The following NOMO3 variants were observed in gnomAD, a reference collection of about 807,000 sequenced individuals.
The protein encoded by NOMO3 is NODAL modulator 3.
A neutral mutation model predicts 69.9 loss-of-function variants in NOMO3; 15 were observed. That is an observed-to-expected ratio of 0.21 (90% CI 0.14 to 0.33). The LOEUF (loss-of-function observed/expected upper bound fraction) is 0.33, where lower values mean the gene tolerates loss of function less well. Among genes scored for constraint, NOMO3 ranks in the 10% least tolerant of loss-of-function variants. NOMO3 has a pLI of 1.00. For synonymous variants in NOMO3, 89 were observed against 301.9 expected (o/e 0.29, Z 7.31); for missense variants, 218 against 761.0 (o/e 0.29, Z 8.39).
At chr16:16,255,952 T>A in intron 10 of NOMO3, 56 bp from the exon 11 acceptor site, 1 of 1,567,770 alleles carries the variant, frequency 6.4e-7, no homozygotes, top group Non-Finnish European at 8.6e-7. Context: ...GGTGTACATG[T>A]AAGGATACAC....
At chr16:16,243,334 C>G (rs1406706880) in intron 4 of NOMO3, 73 bp downstream of exon 4, 3 of 573,134 alleles carry the variant, frequency 5.2e-6, no homozygotes, top group Non-Finnish European at 9.2e-6. Context: ...TAAAAAAATG[C>G]AGGATATTTT....
chr16:16,246,579 C>T (rs2049418183), intron 5 of NOMO3, among the ~76,000 whole-genome samples: 1 of 136,528 alleles, frequency 7.3e-6, no homozygotes, highest in Non-Finnish European at 1.5e-5. Context: ...ATGTGATTTC[C>T]AAGACCTATC....
intron 12 of NOMO3, among the ~76,000 whole-genome samples, chr16:16,262,832 C>T (rs2049575745): frequency 7.1e-6 from 1 of 141,182 alleles, no homozygotes; most frequent in Admixed American, 6.9e-5. Context: ...GGAATTAGGC[C>T]AGATAGACTT....
chr16:16,242,645 C>G (rs1170495033), intron 3 of NOMO3, among the ~76,000 whole-genome samples: 1 of 142,276 alleles, frequency 7.0e-6, no homozygotes, highest in Non-Finnish European at 1.5e-5. Flanking sequence ...AGATCCAGAG[C>G]CAGACTTTTA....
At chr16:16,265,666 A>ATT (rs1949437355) in intron 15 of NOMO3, among the ~76,000 whole-genome samples, 12 of 32,608 alleles carry the variant, frequency 3.7e-4, no homozygotes, top group Non-Finnish European at 4.5e-4. Context: ...ATATATATAT[A>ATT]TATATTTTTT....
intron 15 of NOMO3, 43 bp downstream of exon 15, chr16:16,265,222 C>T (rs764653569): frequency 1.3e-6 from 2 of 1,588,828 alleles, no homozygotes; most frequent in Non-Finnish European, 1.7e-6. Context: ...AAAGCGCTTG[C>T]CTTGTGGATG....
chr16:16,237,266 G>T (rs2049334163), intron 2 of NOMO3, among the ~76,000 whole-genome samples: 1 of 144,250 alleles, frequency 6.9e-6, no homozygotes, highest in South Asian at 2.2e-4. Flanking sequence ...AGTGAGTAGT[G>T]GCCAGGCGTG....
chr16:16,236,123 A>G, intron 1 of NOMO3: 1 of 165,264 alleles, frequency 6.1e-6, no homozygotes, highest in East Asian at 1.9e-4. Context: ...AAGTTTCTAG[A>G]TGAATGTTGC....
At chr16:16,265,953 G>A (rs978925907) in intron 15 of NOMO3, among the ~76,000 whole-genome samples, 4 of 145,098 alleles carry the variant, frequency 2.8e-5, no homozygotes, top group Admixed American at 2.7e-4. Flanking sequence ...CGTTGGCCTC[G>A]CAGAGTGCTA....
chr16:16,262,954 G>A lies in NOMO3; in HGVS notation c.1396-120G>A, dbSNP rs1183559895. 52 of 1,493,984 alleles carry A rather than the reference G, an allele frequency of 3.5e-5. 1 individual carries two copies. The highest frequency in any genetic ancestry group is 4.4e-5 in the Non-Finnish European group (49 of 1,123,888). The allele number at this position is 1,493,984 out of a possible 1,614,324, so 92.5% of individuals were successfully genotyped here. A position where few individuals can be genotyped will look rare whatever the true frequency, so the allele number is the denominator to read the frequency against. On this transcript the variant is annotated intron_variant, in intron 12 of 30. Transcript: ENST00000399336. ...GTGATTGTAAAATCAGCCTGGAAACGAACCTTTGGCCTTCAAAATCTCTTT... is the reference window on the plus strand; with the variant it reads ...GTGATTGTAAAATCAGCCTGGAAACAAACCTTTGGCCTTCAAAATCTCTTT...
intron 11 of NOMO3, among the ~76,000 whole-genome samples, chr16:16,258,297 A>C (rs1451965964): frequency 1.5e-5 from 2 of 134,840 alleles, no homozygotes; most frequent in Admixed American, 7.3e-5. Context: ...TGTGCAGGGA[A>C]GAGATCAGGG....
chr16:16,256,129 A>C lies in NOMO3; in HGVS notation c.1191A>C (p.Thr397=). ...TCACCATCAAAATTGCACCAAACAC[A>C]CCTCAGCTGGCTGACATTGTTGCAA... ...ETVTIKIAPN[T]PQLADIVATG... The change falls in exon 11 of 31, where the codon ACA becomes ACC. Residue 397 remains threonine (T), a synonymous_variant. Transcript: ENST00000399336. 1 of 1,587,512 alleles carries C rather than the reference A, an allele frequency of 6.3e-7. No individual in the cohort carries two copies. Among genetic ancestry groups the C allele is most frequent in the Non-Finnish European group, 8.5e-7 (1 of 1,174,720 alleles).
At chr16:16,242,049 G>A (rs1038184874) in intron 3 of NOMO3, among the ~76,000 whole-genome samples, 1 of 140,098 alleles carries the variant, frequency 7.1e-6, no homozygotes. Context: ...TCTGGTGGGG[G>A]TGTGGTATTA....
chr16:16,258,228 G>T (rs1331625086), intron 11 of NOMO3, among the ~76,000 whole-genome samples: 6 of 142,052 alleles, frequency 4.2e-5, no homozygotes, highest in Non-Finnish European at 7.5e-5. Context: ...AAAATAACAA[G>T]ATTTTTAAAA....
chr16:16,268,820 T>C lies in NOMO3; in HGVS notation c.1895-1301T>C, dbSNP rs2049640073. Among the ~76,000 whole-genome samples, 2 of 143,824 alleles carry C rather than the reference T, an allele frequency of 1.4e-5. 1 individual carries two copies. Among genetic ancestry groups the C allele is most frequent in the African/African-American group, 5.7e-5 (2 of 34,868 alleles). 94.4% of individuals were successfully genotyped at this position (143,824 alleles called of 152,430 possible). A position where few individuals can be genotyped will look rare whatever the true frequency, so the allele number is the denominator to read the frequency against. On this transcript the variant is annotated intron_variant, in intron 16 of 30. Coordinates refer to ENST00000399336, the MANE Select transcript of NOMO3 (RefSeq NM_001004067.4). ...CTTGTATTTTCAAGATGGCTGTGGT[T>C]AGAAAACTTATGTTTAAAGGAGGAA...
intron 6 of NOMO3, among the ~76,000 whole-genome samples, chr16:16,248,305 C>T (rs1446433743): frequency 3.8e-5 from 5 of 132,976 alleles, no homozygotes; most frequent in South Asian, 2.5e-4. Flanking sequence ...AGGCTGGTCT[C>T]GAACTCCTAG....
At chr16:16,234,970 T>C (rs1444076663) in intron 1 of NOMO3, among the ~76,000 whole-genome samples, 4 of 152,098 alleles carry the variant, frequency 2.6e-5, no homozygotes, top group African/African-American at 9.7e-5. Flanking sequence ...TCCTTTTGGA[T>C]GAATGTCCCT....
At chr16:16,241,215 C>T (rs1322810283) in intron 3 of NOMO3, among the ~76,000 whole-genome samples, 3 of 144,418 alleles carry the variant, frequency 2.1e-5, no homozygotes, top group African/African-American at 5.5e-5. Context: ...TGACCTTCTA[C>T]AAATTAGAGA....
At chr16:16,243,107 T>G in intron 3 of NOMO3, 54 bp from the exon 4 acceptor site, 1 of 693,164 alleles carries the variant, frequency 1.4e-6, no homozygotes, top group Non-Finnish European at 2.3e-6. Flanking sequence ...ACCCCAAAAC[T>G]AAGCTTGCCT....
Sources: allele counts gnomAD v4.1 joint callset (sites outside exome capture counted in the v4.1 genomes callset), GRCh38; gene constraint gnomAD v4.1.1; transcripts MANE v1.5; gene names NCBI Gene and HGNC (gene_info 2026-07-23, HGNC 2026-07-21).